The following CCDC80 variants were observed in gnomAD, a reference collection of about 807,000 sequenced individuals.
The protein encoded by CCDC80 is coiled-coil domain containing 80.
Under a neutral mutation model 78.7 loss-of-function variants are expected in CCDC80, and 49 were observed. That is an observed-to-expected ratio of 0.62 (90% CI 0.50 to 0.79). CCDC80 has a LOEUF of 0.79. Ranked by LOEUF, CCDC80 falls within the 30% of genes least tolerant of loss-of-function variation. The pLI is 0.00. For synonymous variants in CCDC80, 488 were observed against 447.0 expected, an observed-to-expected ratio of 1.09 and a Z score of -1.16; for missense variants, 1,205 against 1,198.6, an observed-to-expected ratio of 1.01 and a Z score of -0.08.
Position 112,599,100 on chromosome 3 carries a change from G to A in CCDC80, c.*6317C>T, listed in dbSNP as rs1576774258. 6.6e-6 allele frequency: 1 copy of A among 152,136 alleles called. No individual in the cohort carries two copies. Among genetic ancestry groups the A allele is most frequent in the Non-Finnish European group, 1.5e-5 (1 of 68,046 alleles). 9.4% of individuals were successfully genotyped at this position (152,136 alleles called of 1,614,324 possible). ...ACAAACTTAGGAACTTAGGTATCTA[G>A]TCTTCTCTGTCATTTTGTAATGAGA... On this transcript the variant is annotated 3_prime_UTR_variant, in exon 8 of 8. Transcript: ENST00000206423.
At position 112,619,177 on chromosome 3, in the gene CCDC80, G is replaced by C. The variant is rs559111122; in HGVS notation, c.2036-73C>G. 2.1e-5 allele frequency: 29 copies of C among 1,407,984 alleles called. No individual in the cohort carries two copies. In the Middle Eastern group the frequency reaches 5.7e-4, roughly 28 times the overall value. 87.2% of individuals were successfully genotyped at this position (1,407,984 alleles called of 1,614,324 possible). A position where few individuals can be genotyped will look rare whatever the true frequency, so the allele number is the denominator to read the frequency against. On this transcript the variant is annotated intron_variant, in intron 3 of 7. Coordinates refer to ENST00000206423, the MANE Select transcript of CCDC80 (RefSeq NM_199511.3). ...ATCATTGGGAGGTGAATGGGTGAAG[G>C]CTTTGGGCCTAATCACACCAGCCTT... is the stretch of plus-strand genomic sequence containing the variant.
chr3:112,638,736 G>C lies in CCDC80; in HGVS notation c.1170C>G (p.Pro390=). The C allele has an allele frequency of 3.7e-6, 6 of 1,614,010 alleles. No homozygotes were observed. Among genetic ancestry groups the C allele is most frequent in the Non-Finnish European group, 5.1e-6 (6 of 1,180,012 alleles). The change falls in exon 2 of 8, where the codon CCC becomes CCG. Residue 390 remains proline (P), a synonymous_variant. Coordinates refer to ENST00000206423, the MANE Select transcript of CCDC80 (RefSeq NM_199511.3). The part of the protein sequence containing the change: ...AFPTTQRPWT[P]SPSHRPPTTT... ...TTGTAGGGGGCCTGTGGGAGGGTGAGGGGGTCCAGGGCCTCTGCGTGGTGG... is the reference window on the plus strand; with the variant it reads ...TTGTAGGGGGCCTGTGGGAGGGTGACGGGGTCCAGGGCCTCTGCGTGGTGG...
chr3:112,620,830 C>T (rs1163961439), intron 3 of CCDC80, among the ~76,000 whole-genome samples: 1 of 152,198 alleles, frequency 6.6e-6, no homozygotes, highest in Non-Finnish European at 1.5e-5. Flanking sequence ...TTGGAAATTA[C>T]AATTTTTAAT....
intron 1 of CCDC80, 120 bp from the exon 2 acceptor site, chr3:112,640,036 AG>A: frequency 6.9e-7 from 1 of 1,439,780 alleles, no homozygotes; most frequent in Non-Finnish European, 9.1e-7. Flanking sequence ...GGAGGGGAAA[AG>A]GTTGGTTAGA....
intron 4 of CCDC80, 142 bp downstream of exon 4, chr3:112,618,826 G>T: frequency 1.3e-6 from 1 of 798,718 alleles, no homozygotes; most frequent in Non-Finnish European, 1.9e-6. Context: ...AGGACAACAT[G>T]GAAAATTTGG....
At chr3:112,618,636 A>C (rs1232901095) in intron 4 of CCDC80, among the ~76,000 whole-genome samples, 1 of 152,194 alleles carries the variant, frequency 6.6e-6, no homozygotes, top group Non-Finnish European at 1.5e-5. Context: ...TCTTGAAGGC[A>C]GAGACCACTC....
intron 6 of CCDC80, among the ~76,000 whole-genome samples, 200 bp downstream of exon 6, chr3:112,609,778 A>AG (rs201884465): frequency 6.7e-6 from 1 of 149,156 alleles, no homozygotes; most frequent in Admixed American, 6.7e-5. Context: ...GAGAATATTG[A>AG]GGGAAAAAAA....
At chr3:112,628,088 C>G (rs1451187550) in intron 3 of CCDC80, among the ~76,000 whole-genome samples, 1 of 152,156 alleles carries the variant, frequency 6.6e-6, no homozygotes, top group Non-Finnish European at 1.5e-5. Flanking sequence ...ACATTTGACA[C>G]TGGGAACACC....
Position 112,639,298 on chromosome 3 carries a change from A to G in CCDC80, c.608T>C (p.Ile203Thr). 1.9e-6 allele frequency: 3 copies of G among 1,614,080 alleles called. No individual in the cohort carries two copies. Among genetic ancestry groups the G allele is most frequent in the Non-Finnish European group, 1.7e-6 (2 of 1,180,014 alleles). The change falls in exon 2 of 8, where the codon ATC becomes ACC. Residue 203 changes from isoleucine to threonine, a missense_variant. By Grantham distance (89) the Ile-to-Thr change is moderately conservative (BLOSUM62 -1). Coordinates refer to ENST00000206423, the MANE Select transcript of CCDC80 (RefSeq NM_199511.3). ...AGEEGGKVRR[I>T]TSEGQILEQP... Reference sequence around the variant, plus strand: ...CTCCAGGATCTGGCCCTCGCTGGTGATCCTTCTCACCTTGCCTCCTTCCTC... The same window carrying G: ...CTCCAGGATCTGGCCCTCGCTGGTGGTCCTTCTCACCTTGCCTCCTTCCTC...
intron 3 of CCDC80, among the ~76,000 whole-genome samples, chr3:112,629,320 C>T (rs1174700630): frequency 6.7e-6 from 1 of 148,808 alleles, no homozygotes; most frequent in Non-Finnish European, 1.5e-5. Flanking sequence ...AACAACAAAA[C>T]AGTAGAAAGT....
chr3:112,609,822 C>T (rs868538346), intron 6 of CCDC80, among the ~76,000 whole-genome samples, 156 bp downstream of exon 6: 12 of 152,146 alleles, frequency 7.9e-5, no homozygotes, highest in Middle Eastern at 3.4e-3. Context: ...AGTCTAAAAG[C>T]AACTTTATAC....
chr3:112,628,983 G>A (rs149130181), intron 3 of CCDC80, among the ~76,000 whole-genome samples: 439 of 152,110 alleles, frequency 2.9e-3, no homozygotes, highest in Middle Eastern at 0.01. Context: ...AAGATTTCAC[G>A]TTAAGTGTAC....
Position 112,605,577 on chromosome 3 carries a change from A to G in CCDC80, c.2693T>C (p.Leu898Pro). 6.2e-7 allele frequency: 1 copy of G among 1,614,186 alleles called. No homozygotes were observed. The highest frequency in any genetic ancestry group is 8.5e-7 in the Non-Finnish European group (1 of 1,180,034). ...IVYDLIDSMQ[L>P]RRQEMAIQQS... ...CTGAATCGCCATTTCCTGTCTCCGA[A>G]GTTGCATCGAATCAATTAAATCGTA... Residue 898 changes from leucine (L) to proline (P), a missense_variant, in exon 8 of 8, where the codon CTT becomes CCT. Leu to Pro is a moderately conservative substitution (Grantham distance 98). Transcript: ENST00000206423.
chr3:112,614,174 A>G (rs1212605985), intron 5 of CCDC80, among the ~76,000 whole-genome samples: 3 of 152,158 alleles, frequency 2.0e-5, no homozygotes, highest in Non-Finnish European at 4.4e-5. Flanking sequence ...TATAATGCCT[A>G]CGTGAAATGA....
intron 5 of CCDC80, among the ~76,000 whole-genome samples, chr3:112,614,203 G>C (rs1283576844): frequency 6.6e-6 from 1 of 152,010 alleles, no homozygotes; most frequent in Admixed American, 6.6e-5. Flanking sequence ...TTTAATTACT[G>C]GGTTTATAAG....
chr3:112,631,016 A>C (rs985419309), intron 2 of CCDC80, among the ~76,000 whole-genome samples: 3 of 148,692 alleles, frequency 2.0e-5, no homozygotes, highest in Non-Finnish European at 3.0e-5. Context: ...CTTCTGGGGG[A>C]AAAAAAAAAG....
rs969211538 is a variant in CCDC80, at chr3:112,602,875, A to G, written c.*2542T>C. On this transcript the variant is annotated 3_prime_UTR_variant, in exon 8 of 8. Transcript: ENST00000206423. ...TAAGATAATTAATGAAAGTGGCTACACTAAACAATAGATTTTCAAAAGAGA... is the reference window on the plus strand; with the variant it reads ...TAAGATAATTAATGAAAGTGGCTACGCTAAACAATAGATTTTCAAAAGAGA... 2.0e-5 allele frequency: 3 copies of G among 153,046 alleles called. No homozygotes were observed. The highest frequency in any genetic ancestry group is 4.4e-5 in the Non-Finnish European group (3 of 68,666). 9.5% of individuals were successfully genotyped at this position (153,046 alleles called of 1,614,324 possible).
intron 4 of CCDC80, among the ~76,000 whole-genome samples, 194 bp from the exon 5 acceptor site, chr3:112,617,052 AAAC>A (rs1230275795): frequency 2.0e-5 from 3 of 152,158 alleles, no homozygotes; most frequent in African/African-American, 7.2e-5. Context: ...GGAGTCCATA[AAAC>A]AACTGCCTCT....
At chr3:112,612,411 G>T (rs1274398736) in intron 5 of CCDC80, among the ~76,000 whole-genome samples, 1 of 152,144 alleles carries the variant, frequency 6.6e-6, no homozygotes, top group Admixed American at 6.5e-5. Flanking sequence ...TGGGATGTCA[G>T]ACTCCCTGTC....
Sources: allele counts gnomAD v4.1 joint callset (sites outside exome capture counted in the v4.1 genomes callset), GRCh38; gene constraint gnomAD v4.1.1; transcripts MANE v1.5; gene names NCBI Gene and HGNC (gene_info 2026-07-23, HGNC 2026-07-21).